The following HS6ST3 variants were observed in gnomAD, a reference collection of about 807,000 sequenced individuals.
HS6ST3 encodes the protein heparan sulfate 6-O-sulfotransferase 3.
Under a neutral mutation model 36.7 loss-of-function variants are expected in HS6ST3, and 12 were observed. That is an observed-to-expected ratio of 0.33 (90% CI 0.21 to 0.53). The LOEUF (loss-of-function observed/expected upper bound fraction) is 0.53. Among genes scored for constraint, HS6ST3 ranks in the 20% least tolerant of loss-of-function variants. The probability of loss-of-function intolerance (pLI) is 0.95; values close to 1 mark genes in which losing one functional copy is unlikely to be tolerated. For synonymous variants in HS6ST3, 240 were observed against 257.5 expected (o/e 0.93, Z 0.65); for missense variants, 584 against 640.9 (o/e 0.91, Z 0.96).
chr13:96,094,025 G>T (rs148669540), intron 1 of HS6ST3, among the ~76,000 whole-genome samples: 198 of 152,192 alleles, frequency 1.3e-3, no homozygotes, highest in Non-Finnish European at 2.4e-3. Flanking sequence ...CCCCCAAAGC[G>T]CCTCCTCCCA....
chr13:96,350,028 G>A (rs2055174345), intron 1 of HS6ST3, among the ~76,000 whole-genome samples: 1 of 152,082 alleles, frequency 6.6e-6, no homozygotes, highest in South Asian at 2.1e-4. Flanking sequence ...GCATAGCTGG[G>A]TATTAGAACA....
intron 1 of HS6ST3, among the ~76,000 whole-genome samples, chr13:96,809,393 C>T (rs574033231): frequency 4.6e-5 from 7 of 152,104 alleles, no homozygotes; most frequent in Admixed American, 1.3e-4. Flanking sequence ...TAAAAATATG[C>T]GATTTTGTAT....
chr13:96,621,585 T>C (rs1162167578), intron 1 of HS6ST3, among the ~76,000 whole-genome samples: 3 of 152,188 alleles, frequency 2.0e-5, no homozygotes, highest in Admixed American at 2.0e-4. Flanking sequence ...CTCTTTCCCT[T>C]TCTCTCCAAG....
rs538006107 is a variant in HS6ST3 at position 96,563,935 on chromosome 13, C to G, written c.708-268555C>G. On this transcript the variant is annotated intron_variant, in intron 1 of 1. Transcript: ENST00000376705. The stretch of plus-strand genomic sequence containing the variant: ...GTGCAGATACCTTCTAGACTTTTCT[C>G]CCGCTTCTATTTGTTGCCTTGCAGA... Among the ~76,000 whole-genome samples the G allele has an allele frequency of 5.9e-5, 9 of 152,280 alleles. 1 individual carries two copies. The South Asian group carries it at 1.9e-3, about 32-fold the overall frequency.
chr13:96,649,950 C>T (rs1283128139), intron 1 of HS6ST3, among the ~76,000 whole-genome samples: 1 of 151,966 alleles, frequency 6.6e-6, no homozygotes, highest in Non-Finnish European at 1.5e-5. Context: ...GGCCTCCTTG[C>T]TGTTTGCTGA....
At chr13:96,764,396 C>T (rs978207636) in intron 1 of HS6ST3, among the ~76,000 whole-genome samples, 1 of 152,188 alleles carries the variant, frequency 6.6e-6, no homozygotes, top group Non-Finnish European at 1.5e-5. Flanking sequence ...CACCTGAAAC[C>T]AAGCCTCATT....
chr13:96,485,858 A>G (rs1024347338), intron 1 of HS6ST3, among the ~76,000 whole-genome samples: 3 of 151,980 alleles, frequency 2.0e-5, no homozygotes, highest in African/African-American at 7.3e-5. Context: ...TTTTAGAAAT[A>G]TATCAATTTC....
chr13:96,614,738 TA>T (rs1293182267), intron 1 of HS6ST3, among the ~76,000 whole-genome samples: 2 of 152,334 alleles, frequency 1.3e-5, no homozygotes, highest in East Asian at 1.9e-4. Context: ...TACAGGCATT[TA>T]AAAATATATT....
chr13:96,800,773 C>A (rs1314121356), intron 1 of HS6ST3, among the ~76,000 whole-genome samples: 2 of 151,930 alleles, frequency 1.3e-5, no homozygotes, highest in African/African-American at 4.8e-5. Context: ...AACTTTACTC[C>A]CACCATCACT....
At chr13:96,782,370 T>C (rs1171430683) in intron 1 of HS6ST3, among the ~76,000 whole-genome samples, 1 of 152,202 alleles carries the variant, frequency 6.6e-6, no homozygotes, top group Admixed American at 6.5e-5. Flanking sequence ...CTTTTCTTTG[T>C]TCCTAATCGG....
chr13:96,259,860 GTTTCTTGTTTATT>G (rs1226424816), intron 1 of HS6ST3, among the ~76,000 whole-genome samples: 3 of 152,056 alleles, frequency 2.0e-5, no homozygotes, highest in Non-Finnish European at 4.4e-5. Flanking sequence ...TGAAATTTTT[GTTTCTTGTTTATT>G]TGTTCAAATT....
chr13:96,633,354 A>G (rs1260355563), intron 1 of HS6ST3, among the ~76,000 whole-genome samples: 2 of 152,224 alleles, frequency 1.3e-5, no homozygotes, highest in Non-Finnish European at 2.9e-5. Context: ...TTAGTCACAG[A>G]AAGATGAGTT....
intron 1 of HS6ST3, among the ~76,000 whole-genome samples, chr13:96,780,267 T>A (rs966532703): frequency 1.3e-5 from 2 of 152,216 alleles, no homozygotes; most frequent in Non-Finnish European, 1.5e-5. Context: ...TTTGGTGTTA[T>A]GCCAAGTGTT....
At chr13:96,336,310 T>G (rs775337864) in intron 1 of HS6ST3, among the ~76,000 whole-genome samples, 2 of 152,212 alleles carry the variant, frequency 1.3e-5, no homozygotes, top group Non-Finnish European at 2.9e-5. Context: ...TCTGTGTTTC[T>G]AATACCATGA....
chr13:96,552,349 G>A (rs1003769197), intron 1 of HS6ST3, among the ~76,000 whole-genome samples: 1 of 152,200 alleles, frequency 6.6e-6, no homozygotes, highest in Non-Finnish European at 1.5e-5. Flanking sequence ...CAACACAGGG[G>A]CAGCTATGGA....
chr13:96,440,141 C>T (rs2139479682), intron 1 of HS6ST3, among the ~76,000 whole-genome samples: 1 of 152,118 alleles, frequency 6.6e-6, no homozygotes, highest in Middle Eastern at 3.4e-3. Context: ...GTTAATTTTC[C>T]CTAGTATAGA....
intron 1 of HS6ST3, among the ~76,000 whole-genome samples, chr13:96,816,656 A>G (rs1012588377): frequency 6.6e-6 from 1 of 152,160 alleles, no homozygotes; most frequent in Admixed American, 6.5e-5. Context: ...GGGGAAAGGT[A>G]TCACATCCCC....
chr13:96,124,369 C>A (rs1168321770), intron 1 of HS6ST3, among the ~76,000 whole-genome samples: 1 of 152,160 alleles, frequency 6.6e-6, no homozygotes, highest in Non-Finnish European at 1.5e-5. Context: ...AATCATTTAG[C>A]CATGCTTCTT....
In HS6ST3 at chr13:96,195,349, A is replaced by G. The variant is rs559826820; in HGVS notation, c.707+103780A>G. 7.2e-4 allele frequency among the ~76,000 whole-genome samples: 110 copies of G among 152,290 alleles called. 1 individual carries two copies. The highest frequency in any genetic ancestry group is 2.4e-3 in the African/African-American group (99 of 41,544). On this transcript the variant is annotated intron_variant, in intron 1 of 1. Transcript: ENST00000376705. ...GAGCTTTTGCTTGATAAAAGGAACT[A>G]CTGTATAGCTTCGACGGTTTTTAAA... is the stretch of plus-strand genomic sequence containing the variant.
Sources: gnomAD v4.1 joint callset for allele counts (sites outside exome capture counted in the v4.1 genomes callset) on GRCh38, gnomAD v4.1.1 for gene constraint, MANE v1.5 for transcripts, NCBI Gene and HGNC (gene_info 2026-07-23, HGNC 2026-07-21) for gene names.